C2: variants seen among roughly 807,000 people sequenced by gnomAD.
C2 encodes the protein C3/C5 convertase.
A neutral mutation model predicts 85.2 loss-of-function variants in C2; 64 were observed. The ratio of observed to expected loss-of-function variants is 0.75; its 90% CI spans 0.61 to 0.92. The LOEUF (loss-of-function observed/expected upper bound fraction) is 0.92, where lower values mean the gene tolerates loss of function less well. Ranked by LOEUF, C2 falls within the 40% of genes least tolerant of loss-of-function variation. The pLI is 0.00. For missense variants in C2, 820 were observed against 971.6 expected (o/e 0.84, Z 2.07); for synonymous variants, 311 against 370.8 (o/e 0.84, Z 1.85).
upstream of C2, chr6:31,900,243 G>C: frequency 6.2e-7 from 1 of 1,613,992 alleles, no homozygotes; most frequent in South Asian, 1.1e-5. This position sits in a 1 kb window ranked among gnomAD's most constrained non-coding sequence, Gnocchi z 9.7. Context: ...ATGAAGTGCT[G>C]CGCCCGCATG....
At chr6:31,900,868 G>A, upstream of C2, 1 of 1,613,644 alleles carries the variant, frequency 6.2e-7, no homozygotes, top group Non-Finnish European at 8.5e-7. This position sits in a 1 kb window ranked among gnomAD's most constrained non-coding sequence, Gnocchi z 9.7. Flanking sequence ...TGGCGCTGAT[G>A]CTGCTCACAA....
chr6:31,910,187 T>C (rs1306736525), intron 1 of C2, among the ~76,000 whole-genome samples: 2 of 151,798 alleles, frequency 1.3e-5, no homozygotes, highest in Non-Finnish European at 2.9e-5. Flanking sequence ...CTTGTTTTTT[T>C]TTTTAAATAG....
rs1769383234 is a variant in C2, at chr6:31,927,867, A to G, written c.46+69A>G. The G allele has an allele frequency of 6.3e-7, 1 of 1,587,758 alleles. No individual in the cohort carries two copies. Among genetic ancestry groups the G allele is most frequent in the Admixed American group, 1.7e-5 (1 of 59,982 alleles). On this transcript the variant is annotated intron_variant, in intron 1 of 17. Coordinates refer to ENST00000299367, the MANE Select transcript of C2 (RefSeq NM_000063.6). The surrounding 1 kb of genome is among the most constrained non-coding windows in gnomAD (Gnocchi z 4.7). The stretch of plus-strand genomic sequence containing the variant: ...GTTGGTGCTCCCAGCTTGAATTCCC[A>G]TGTGTGAAACAGTCTCTTTTGCTTT...
chr6:31,931,051 C>A (rs796914084), intron 3 of C2, among the ~76,000 whole-genome samples: 2 of 152,150 alleles, frequency 1.3e-5, no homozygotes, highest in South Asian at 2.1e-4. Flanking sequence ...TGGAATCATG[C>A]GGGATGTGGT....
Position 31,944,063 on chromosome 6 carries a change from G to A in C2, c.1810+70G>A. 6.3e-7 allele frequency: 1 copy of A among 1,584,638 alleles called. No homozygotes were observed. Among genetic ancestry groups the A allele is most frequent in the Non-Finnish European group, 8.7e-7 (1 of 1,154,190 alleles). On this transcript the variant is annotated intron_variant, in intron 14 of 17. Coordinates refer to ENST00000299367, the MANE Select transcript of C2 (RefSeq NM_000063.6). This position sits in a 1 kb window ranked among gnomAD's most constrained non-coding sequence, Gnocchi z 5.1. ...TGGGGGTGATAACAAGGACTAGGCT[G>A]CAGTCCCCAAGCCAGGAACCTGGAT...
Position 31,933,896 on chromosome 6 carries a change from G to A in C2, c.646G>A (p.Val216Met), listed in dbSNP as rs1263973163. Residue 216 changes from valine (V) to methionine (M), a missense_variant, in exon 5 of 18, where the codon GTG becomes ATG. Coordinates refer to ENST00000299367, the MANE Select transcript of C2 (RefSeq NM_000063.6). ...QPYSYDFPED[V>M]APALGTSFSH... ...CTACTCTTATGACTTCCCTGAGGAC[G>A]TGGCCCCTGCCCTGGGCACTTCCTT... 2 of 1,614,156 alleles carry A rather than the reference G, an allele frequency of 1.2e-6. No homozygotes were observed.
chr6:31,917,028 C>G (rs1197828505), upstream of C2, among the ~76,000 whole-genome samples: 1 of 150,830 alleles, frequency 6.6e-6, no homozygotes, highest in Non-Finnish European at 1.5e-5. Flanking sequence ...AAAAATTAGC[C>G]GGCGTGCTGG....
intron 1 of C2, among the ~76,000 whole-genome samples, chr6:31,911,220 A>G (rs1768073983): frequency 6.6e-6 from 1 of 151,666 alleles, no homozygotes; most frequent in Non-Finnish European, 1.5e-5. Context: ...AATTGCTGGA[A>G]CCTGGGAGGC....
Position 31,943,793 on chromosome 6 carries a change from A to T in C2, c.1717A>T (p.Met573Leu). Residue 573 changes from methionine to leucine, a missense_variant, in exon 13 of 18, where the codon ATG becomes TTG. Coordinates refer to ENST00000299367, the MANE Select transcript of C2 (RefSeq NM_000063.6). The surrounding 1 kb of genome is among the most constrained non-coding windows in gnomAD (Gnocchi z 6.4). The part of the protein sequence containing the change: ...ALLKLAQKVK[M>L]STHARPICLP... ...GCTGAAGCTGGCCCAGAAAGTAAAGATGTCCACCCATGCCAGGTGCCTGGA... is the reference window on the plus strand; with the variant it reads ...GCTGAAGCTGGCCCAGAAAGTAAAGTTGTCCACCCATGCCAGGTGCCTGGA... The T allele has an allele frequency of 6.2e-7, 1 of 1,613,046 alleles. No homozygotes were observed.
rs1771039108 is a variant in C2 at position 31,943,260 on chromosome 6, G to A, written c.1396G>A (p.Gly466Arg). ...GCTCACAGACACCATCTGCGGGGTG[G>A]GGAACATGTCAGCAAACGCCTCTGA... ...SKLTDTICGV[G>R]NMSANASDQE... The change falls in exon 11 of 18, where the codon GGG becomes AGG. Residue 466 changes from glycine (G) to arginine (R), a missense_variant. Transcript: ENST00000299367. The surrounding 1 kb of genome is among the most constrained non-coding windows in gnomAD (Gnocchi z 6.4). The A allele has an allele frequency of 6.2e-7, 1 of 1,613,036 alleles. No homozygotes were observed. Among genetic ancestry groups the A allele is most frequent in the Non-Finnish European group, 8.5e-7 (1 of 1,180,026 alleles).
chr6:31,912,827 G>A (rs889025080), intron 1 of C2, among the ~76,000 whole-genome samples: 2 of 136,652 alleles, frequency 1.5e-5, no homozygotes, highest in Non-Finnish European at 3.1e-5. Flanking sequence ...GTGACAGAGC[G>A]GGACTCTATC....
chr6:31,930,544 C>A (rs1769656484), intron 3 of C2, among the ~76,000 whole-genome samples: 1 of 152,232 alleles, frequency 6.6e-6, no homozygotes, highest in Non-Finnish European at 1.5e-5. Flanking sequence ...GTTATTGCTG[C>A]CCCTGTGAAT....
Position 31,944,181 on chromosome 6 carries a change from C to T in C2, c.1857C>T (p.Ala619=), listed in dbSNP as rs1460107728. ...NKQSVPAHFV[A]LNGSKLNINL... ...AGAGTGTTCCTGCTCATTTTGTCGC[C>T]TTGAATGGGAGCAAACTGAACATTA... Residue 619 remains alanine, a synonymous_variant, in exon 15 of 18, where the codon GCC becomes GCT. Coordinates refer to ENST00000299367, the MANE Select transcript of C2 (RefSeq NM_000063.6). The surrounding 1 kb of genome is among the most constrained non-coding windows in gnomAD (Gnocchi z 5.1). 4 of 1,612,852 alleles carry T rather than the reference C, an allele frequency of 2.5e-6. No individual in the cohort carries two copies. The highest frequency in any genetic ancestry group is 2.2e-5 in the East Asian group (1 of 44,872).
Position 31,943,429 on chromosome 6 carries a change from A to G in C2, c.1469A>G (p.Glu490Gly). ...WHVTIKPKSQ[E>G]TCRGALISDQ... ...GTTCCCCTGCAGCCCAAGAGCCAAG[A>G]GACCTGCCGGGGGGCCCTCATCTCC... is the stretch of plus-strand genomic sequence containing the variant. Residue 490 changes from glutamate (E) to glycine (G), a missense_variant, in exon 12 of 18, where the codon GAG becomes GGG. By Grantham distance (98) the Glu-to-Gly change is moderately conservative. Coordinates refer to ENST00000299367, the MANE Select transcript of C2 (RefSeq NM_000063.6). This position sits in a 1 kb window ranked among gnomAD's most constrained non-coding sequence, Gnocchi z 6.4. The G allele has an allele frequency of 1.2e-6, 2 of 1,613,040 alleles. No individual in the cohort carries two copies. Among genetic ancestry groups the G allele is most frequent in the South Asian group, 2.2e-5 (2 of 91,090 alleles).
At chr6:31,910,092 G>T (rs1452166124) in intron 1 of C2, among the ~76,000 whole-genome samples, 1 of 151,048 alleles carries the variant, frequency 6.6e-6, no homozygotes, top group Non-Finnish European at 1.5e-5. Context: ...TATTGGCCAG[G>T]CTGGTCTCGA....
chr6:31,904,149 TG>T lies in C2; in HGVS notation c.73+3011del, dbSNP rs1767563225. ...CTCCCCCGCCCATCCTTAGCTCATC[TG>T]AAAGCATTTTTATCTTGAAGGCCCT... On this transcript the variant is annotated intron_variant, in intron 1 of 3. Transcript: ENST00000452202. The surrounding 1 kb of genome is among the most constrained non-coding windows in gnomAD (Gnocchi z 4.4). Among the ~76,000 whole-genome samples the T allele has an allele frequency of 6.6e-6, 1 of 152,056 alleles. No homozygotes were observed.
chr6:31,900,541 A>G (rs779752449), upstream of C2: 1 of 1,611,938 alleles, frequency 6.2e-7, no homozygotes, highest in Non-Finnish European at 8.5e-7. This position sits in a 1 kb window ranked among gnomAD's most constrained non-coding sequence, Gnocchi z 9.7. Context: ...GTGGGGCTAC[A>G]GTGCTGGGGG....
intron 1 of C2, among the ~76,000 whole-genome samples, chr6:31,910,618 G>A (rs1768028768): frequency 6.6e-6 from 1 of 152,014 alleles, no homozygotes; most frequent in Non-Finnish European, 1.5e-5. Flanking sequence ...ATGAAAATAA[G>A]AATTCAGAAG....
rs1770160059 is a variant in C2 at position 31,933,863 on chromosome 6, A to G, written c.617-4A>G. On this transcript the variant is annotated splice_region_variant and splice_polypyrimidine_tract_variant and intron_variant, in intron 4 of 17. Transcript: ENST00000299367. ...GGCTGACTCCTGTGTGGCTCTCCCC[A>G]CAGAACCCTACTCTTATGACTTCCC... is the stretch of plus-strand genomic sequence containing the variant. 6.2e-7 allele frequency: 1 copy of G among 1,613,762 alleles called. No individual in the cohort carries two copies. The highest frequency in any genetic ancestry group is 1.3e-5 in the African/African-American group (1 of 74,890).
Sources: allele counts gnomAD v4.1 joint callset (sites outside exome capture counted in the v4.1 genomes callset), GRCh38; gene constraint gnomAD v4.1.1; non-coding constraint Gnocchi (gnomAD v3.1); transcripts MANE v1.5; gene names NCBI Gene and HGNC (gene_info 2026-07-23, HGNC 2026-07-21).